Variants in RAB6A observed in about 807,000 individuals in gnomAD.
RAB6A encodes the protein ras-related protein Rab-6A.
RAB6A carries 8 observed loss-of-function variants against 32.3 expected under a neutral mutation model. The observed-to-expected ratio is 0.25, with a 90% CI of 0.15 to 0.45. RAB6A has a LOEUF of 0.45. Among genes scored for constraint, RAB6A ranks in the 20% least tolerant of loss-of-function variants. The pLI is 1.00. For missense variants in RAB6A, 104 were observed against 249.4 expected (o/e 0.42, Z 3.93); for synonymous variants, 73 against 82.1 (o/e 0.89, Z 0.60).
At chr11:73,738,149 GTTAT>G in intron 1 of RAB6A, among the ~76,000 whole-genome samples, 1 of 152,060 alleles carries the variant, frequency 6.6e-6, no homozygotes, top group East Asian at 1.9e-4. Context: ...AAATGTGAAT[GTTAT>G]TTTTTATTTA....
At chr11:73,742,464 G>A (rs1946513168) in intron 1 of RAB6A, among the ~76,000 whole-genome samples, 1 of 151,722 alleles carries the variant, frequency 6.6e-6, no homozygotes, top group Admixed American at 6.6e-5. Flanking sequence ...CTACATAAAA[G>A]CTGCAGATAA....
At chr11:73,711,592 T>C (rs1945958717) in intron 5 of RAB6A, among the ~76,000 whole-genome samples, 1 of 152,240 alleles carries the variant, frequency 6.6e-6, no homozygotes, top group Non-Finnish European at 1.5e-5. Context: ...AATAGACTTG[T>C]ACATATGTCT....
At chr11:73,713,557 C>T (rs1291006867) in intron 5 of RAB6A, among the ~76,000 whole-genome samples, 1 of 132,022 alleles carries the variant, frequency 7.6e-6, no homozygotes, top group African/African-American at 2.7e-5. Context: ...GACAGCGAGA[C>T]TCCGTCTCAA....
rs1268690672 is a variant in RAB6A, at chr11:73,720,752, A to G, written c.183+94T>C. Reference sequence around the variant, plus strand: ...GTAAACTATCTTTGGTAACTTTGCTAAGTACTTCTTATGGTGACAATCATT... The same window carrying G: ...GTAAACTATCTTTGGTAACTTTGCTGAGTACTTCTTATGGTGACAATCATT... On this transcript the variant is annotated intron_variant, in intron 3 of 7. Transcript: ENST00000336083. 3.0e-6 allele frequency: 3 copies of G among 989,228 alleles called. No individual in the cohort carries two copies. The East Asian group carries it at 7.4e-5, about 24-fold the overall frequency. The allele number at this position is 989,228 out of a possible 1,614,324, so 61.3% of individuals were successfully genotyped here. A position where few individuals can be genotyped will look rare whatever the true frequency, so the allele number is the denominator to read the frequency against.
intron 5 of RAB6A, among the ~76,000 whole-genome samples, chr11:73,714,550 T>C (rs920407818): frequency 6.6e-6 from 1 of 151,318 alleles, no homozygotes; most frequent in Non-Finnish European, 1.5e-5. Context: ...TAATCCCAGC[T>C]ACTCGGGAGG....
At chr11:73,700,150 G>A (rs1309456631) in intron 6 of RAB6A, among the ~76,000 whole-genome samples, 1 of 152,010 alleles carries the variant, frequency 6.6e-6, no homozygotes, top group Non-Finnish European at 1.5e-5. Context: ...TATATAATAA[G>A]GTGACACCAC....
rs1263208428 is a variant in RAB6A, at chr11:73,677,709, G to A, written c.*189C>T. 1.6e-5 allele frequency: 22 copies of A among 1,392,906 alleles called. No homozygotes were observed. The highest frequency in any genetic ancestry group is 1.9e-5 in the Non-Finnish European group (20 of 1,040,190). 86.3% of individuals were successfully genotyped at this position (1,392,906 alleles called of 1,614,324 possible). ...TGGCTTTTTGTAAAATATAAATAAT[G>A]AAGACACTGACTTTTGTTGTGCTTG... On this transcript the variant is annotated 3_prime_UTR_variant, in exon 8 of 8. Coordinates refer to ENST00000336083, the MANE Select transcript of RAB6A (RefSeq NM_198896.2).
chr11:73,758,410 G>C (rs532950525), intron 1 of RAB6A, among the ~76,000 whole-genome samples: 1 of 152,004 alleles, frequency 6.6e-6, no homozygotes, highest in Non-Finnish European at 1.5e-5. Flanking sequence ...TGATAACAGG[G>C]GAAACTAGAT....
intron 2 of RAB6A, among the ~76,000 whole-genome samples, chr11:73,723,621 G>A (rs1375318266): frequency 2.0e-5 from 3 of 152,236 alleles, no homozygotes; most frequent in South Asian, 4.2e-4. Flanking sequence ...GAGCCACTGC[G>A]CCTGGCCGAA....
chr11:73,760,065 C>T lies in RAB6A; in HGVS notation c.70+501G>A, dbSNP rs1167619327. 3 of 1,289,664 alleles carry T rather than the reference C, an allele frequency of 2.3e-6. No homozygotes were observed. The East Asian group carries it at 1.7e-4, about 71-fold the overall frequency. The allele number at this position is 1,289,664 out of a possible 1,614,324, so 79.9% of individuals were successfully genotyped here. A position where few individuals can be genotyped will look rare whatever the true frequency, so the allele number is the denominator to read the frequency against. On this transcript the variant is annotated intron_variant, in intron 1 of 7. Transcript: ENST00000336083. Reference sequence around the variant, plus strand: ...CTTCCCACCTTCCACGACATCAGCACTTCGCAGGGCCAAGCCTCTGGGGAA... The same window carrying T: ...CTTCCCACCTTCCACGACATCAGCATTTCGCAGGGCCAAGCCTCTGGGGAA...
At chr11:73,696,056 A>G (rs908143911) in intron 6 of RAB6A, among the ~76,000 whole-genome samples, 4 of 152,188 alleles carry the variant, frequency 2.6e-5, no homozygotes, top group African/African-American at 9.6e-5. Context: ...CAGAAATACC[A>G]CCCTTCAAAG....
At chr11:73,732,555 CAGACTGGGTGACAGAGCG>C (rs1274638335) in intron 1 of RAB6A, among the ~76,000 whole-genome samples, 4 of 152,062 alleles carry the variant, frequency 2.6e-5, no homozygotes, top group Non-Finnish European at 5.9e-5. Context: ...CACCGCGCTC[CAGACTGGGTGACAGAGCG>C]AGACTCTGTC....
chr11:73,711,170 A>T (rs949178736), intron 5 of RAB6A, among the ~76,000 whole-genome samples: 13 of 152,074 alleles, frequency 8.5e-5, no homozygotes, highest in African/African-American at 2.7e-4. Flanking sequence ...GCACGGTGGT[A>T]TGAGGGCTGT....
At chr11:73,735,951 C>G (rs1172573991) in intron 1 of RAB6A, among the ~76,000 whole-genome samples, 2 of 135,416 alleles carry the variant, frequency 1.5e-5, no homozygotes, top group East Asian at 2.2e-4. Context: ...GAGAGAGAGA[C>G]AGAGAGAGAT....
intron 1 of RAB6A, among the ~76,000 whole-genome samples, chr11:73,733,692 A>G (rs1946351960): frequency 6.6e-6 from 1 of 152,168 alleles, no homozygotes; most frequent in Non-Finnish European, 1.5e-5. Context: ...GACACTACAT[A>G]GAGTGAAAGA....
intron 3 of RAB6A, among the ~76,000 whole-genome samples, chr11:73,720,515 C>T (rs1043332520): frequency 1.1e-4 from 17 of 152,068 alleles, no homozygotes; most frequent in African/African-American, 2.9e-4. Context: ...CACTTTGATA[C>T]GCATCCTATC....
intron 1 of RAB6A, among the ~76,000 whole-genome samples, chr11:73,734,753 T>A (rs1481438576): frequency 6.6e-6 from 1 of 152,146 alleles, no homozygotes; most frequent in Non-Finnish European, 1.5e-5. Context: ...CCTCCTGCCG[T>A]GAGGCCTGGT....
intron 1 of RAB6A, among the ~76,000 whole-genome samples, chr11:73,757,100 T>A: frequency 3.5e-5 from 1 of 28,580 alleles, no homozygotes; most frequent in South Asian, 9.1e-4. Context: ...TATACATACA[T>A]ATATATATAT....
At chr11:73,724,136 A>G (rs1476846203) in intron 2 of RAB6A, among the ~76,000 whole-genome samples, 2 of 152,228 alleles carry the variant, frequency 1.3e-5, no homozygotes, top group Non-Finnish European at 2.9e-5. Context: ...AGGCTGCAGA[A>G]AGTTCACACT....
Sources: allele counts gnomAD v4.1 joint callset (sites outside exome capture counted in the v4.1 genomes callset), GRCh38; gene constraint gnomAD v4.1.1; transcripts MANE v1.5; gene names NCBI Gene and HGNC (gene_info 2026-07-23, HGNC 2026-07-21).